Variants in DGKB observed in about 807,000 individuals in gnomAD.
DGKB encodes 90 kDa diacylglycerol kinase.
DGKB carries 67 observed loss-of-function variants against 114.3 expected under a neutral mutation model. The observed-to-expected ratio is 0.59, with a 90% CI of 0.48 to 0.72. The LOEUF (loss-of-function observed/expected upper bound fraction) is 0.72. DGKB is among the 30% of genes least tolerant of loss of function. DGKB has a pLI of 0.00. For missense variants in DGKB, 907 were observed against 975.2 expected (o/e 0.93, Z 0.93); for synonymous variants, 398 against 323.1 (o/e 1.23, Z -2.49).
At chr7:14,753,997 T>C in intron 3 of DGKB, 49 bp from the exon 4 acceptor site, 1 of 1,234,422 alleles carries the variant, frequency 8.1e-7, no homozygotes, top group East Asian at 2.5e-5. Context: ...TAAGATACTT[T>C]ATACTCATTA....
At chr7:14,182,821 A>C (rs549238623) in intron 23 of DGKB, among the ~76,000 whole-genome samples, 1 of 152,332 alleles carries the variant, frequency 6.6e-6, no homozygotes, top group South Asian at 2.1e-4. Flanking sequence ...TCAGACTGCC[A>C]TATGTGAAGA....
chr7:14,804,972 G>C (rs541796652), intron 2 of DGKB, among the ~76,000 whole-genome samples: 1 of 151,620 alleles, frequency 6.6e-6, no homozygotes, highest in South Asian at 2.1e-4. Flanking sequence ...TATTAATTCT[G>C]GTCTTAGAGC....
At chr7:14,279,154 G>A (rs1295706075) in intron 23 of DGKB, among the ~76,000 whole-genome samples, 4 of 152,180 alleles carry the variant, frequency 2.6e-5, no homozygotes, top group South Asian at 2.1e-4. Context: ...ACTCCCACCC[G>A]AATACTGCGC....
intron 23 of DGKB, among the ~76,000 whole-genome samples, chr7:14,192,484 A>G (rs1196932973): frequency 6.6e-6 from 1 of 151,826 alleles, no homozygotes; most frequent in Non-Finnish European, 1.5e-5. Flanking sequence ...ATGGAAAGAC[A>G]TATTATATTC....
At chr7:14,447,033 A>G (rs10950526) in intron 21 of DGKB, among the ~76,000 whole-genome samples, 13,999 of 152,180 alleles carry the variant, frequency 0.092, 771 homozygotes, top group East Asian at 0.22. Flanking sequence ...AACTTGACCC[A>G]CTGCTAATTG....
chr7:14,660,062 C>G (rs1200303454), intron 13 of DGKB, among the ~76,000 whole-genome samples: 1 of 151,138 alleles, frequency 6.6e-6, no homozygotes, highest in Non-Finnish European at 1.5e-5. Context: ...TTGAACCAGC[C>G]TTGCATCCCA....
chr7:14,208,220 T>A (rs1326498260), intron 23 of DGKB, among the ~76,000 whole-genome samples: 1 of 152,064 alleles, frequency 6.6e-6, no homozygotes, highest in Non-Finnish European at 1.5e-5. Context: ...GACAGACCTT[T>A]AATAGTTGCT....
chr7:14,607,811 T>A, intron 16 of DGKB, among the ~76,000 whole-genome samples: 1 of 151,270 alleles, frequency 6.6e-6, no homozygotes, highest in Non-Finnish European at 1.5e-5. Flanking sequence ...TTTTGAACAT[T>A]ATTTAGCTAA....
chr7:14,768,292 T>C (rs1836774217), intron 2 of DGKB, among the ~76,000 whole-genome samples: 1 of 151,954 alleles, frequency 6.6e-6, no homozygotes, highest in East Asian at 1.9e-4. Context: ...ACTGGACACA[T>C]AATTAAATGT....
intron 14 of DGKB, among the ~76,000 whole-genome samples, chr7:14,623,837 T>G (rs17168313): frequency 6.6e-6 from 1 of 152,142 alleles, no homozygotes; most frequent in Non-Finnish European, 1.5e-5. Flanking sequence ...TAGGAGTGAA[T>G]TATTAGATGA....
At chr7:14,589,731 C>T (rs574382341) in intron 17 of DGKB, among the ~76,000 whole-genome samples, 1 of 151,918 alleles carries the variant, frequency 6.6e-6, no homozygotes, top group Admixed American at 6.6e-5. Context: ...TTCTTGAAAT[C>T]CTTTCAGGCA....
intron 1 of DGKB, among the ~76,000 whole-genome samples, chr7:14,862,609 A>G (rs1851147315): frequency 6.6e-6 from 1 of 152,104 alleles, no homozygotes; most frequent in Admixed American, 6.6e-5. Flanking sequence ...CTTGGAGTTC[A>G]ATAAAGGAGC....
intron 2 of DGKB, among the ~76,000 whole-genome samples, chr7:14,768,409 C>T (rs1836792309): frequency 6.6e-6 from 1 of 151,898 alleles, no homozygotes; most frequent in Non-Finnish European, 1.5e-5. Flanking sequence ...AGAAACAATA[C>T]TTAAGGACTC....
intron 20 of DGKB, among the ~76,000 whole-genome samples, chr7:14,569,373 C>T (rs1798044750): frequency 6.6e-6 from 1 of 152,174 alleles, no homozygotes; most frequent in African/African-American, 2.4e-5. Flanking sequence ...AAATCATAAA[C>T]ATTCTATCAC....
intron 5 of DGKB, among the ~76,000 whole-genome samples, chr7:14,729,841 G>A (rs112694697): frequency 6.6e-6 from 1 of 152,118 alleles, no homozygotes; most frequent in Non-Finnish European, 1.5e-5. Context: ...CTTTCCTGTG[G>A]AAGTTCTAGC....
At chr7:14,923,015 C>G (rs548851563) in intron 1 of DGKB, among the ~76,000 whole-genome samples, 35 of 152,296 alleles carry the variant, frequency 2.3e-4, no homozygotes, top group African/African-American at 7.5e-4. Flanking sequence ...CTCCATCCCT[C>G]CTTTTCCACC....
At chr7:14,835,694 C>T (rs1847057893) in intron 2 of DGKB, among the ~76,000 whole-genome samples, 1 of 152,128 alleles carries the variant, frequency 6.6e-6, no homozygotes, top group African/African-American at 2.4e-5. Context: ...TCAAGTCTCT[C>T]TCTCTCTCCC....
At chr7:14,861,078 T>A (rs978136108) in intron 1 of DGKB, among the ~76,000 whole-genome samples, 1 of 151,964 alleles carries the variant, frequency 6.6e-6, no homozygotes, top group African/African-American at 2.4e-5. Flanking sequence ...CTAAGTGATT[T>A]TCACACAATC....
intron 6 of DGKB, 118 bp from the exon 7 acceptor site, chr7:14,701,848 T>C (rs1344698093): frequency 3.0e-6 from 2 of 657,662 alleles, no homozygotes; most frequent in East Asian, 5.6e-5. Context: ...CCTCTCCTGC[T>C]CCAAACAATT....
Sources: gnomAD v4.1 joint callset for allele counts (sites outside exome capture counted in the v4.1 genomes callset) on GRCh38, gnomAD v4.1.1 for gene constraint, MANE v1.5 for transcripts, NCBI Gene and HGNC (gene_info 2026-07-23, HGNC 2026-07-21) for gene names.